Variants in AGAP6 observed in about 807,000 individuals in gnomAD.
AGAP6 encodes the protein arf-GAP with GTPase, ANK repeat and PH domain-containing protein 6.
A neutral mutation model predicts 63.9 loss-of-function variants in AGAP6; 29 were observed. That is an observed-to-expected ratio of 0.45 (90% CI 0.34 to 0.62). The LOEUF (loss-of-function observed/expected upper bound fraction) is 0.62, where lower values mean the gene tolerates loss of function less well. Among genes scored for constraint, AGAP6 ranks in the 20% least tolerant of loss-of-function variants. The pLI is 0.01. For missense variants in AGAP6, 493 were observed against 884.9 expected (o/e 0.56, Z 5.62); for synonymous variants, 199 against 332.9 (o/e 0.60, Z 4.38).
chr10:49,989,493 C>G, intron 2 of AGAP6, 117 bp downstream of exon 2: 1 of 1,498,122 alleles, frequency 6.7e-7, no homozygotes, highest in Non-Finnish European at 9.0e-7. Flanking sequence ...TTTTCAGTAC[C>G]CATCTTATTT....
chr10:49,996,502 A>G (rs1426367191), intron 4 of AGAP6, among the ~76,000 whole-genome samples: 10 of 151,742 alleles, frequency 6.6e-5, no homozygotes, highest in South Asian at 4.2e-4. Flanking sequence ...GGATCTCCCA[A>G]TTTTCTGCCT....
intron 3 of AGAP6, among the ~76,000 whole-genome samples, chr10:49,993,240 T>C (rs1482337374): frequency 2.6e-5 from 4 of 152,090 alleles, no homozygotes; most frequent in Admixed American, 2.6e-4. Context: ...CCAAAACATA[T>C]CAGAATTGTA....
intron 6 of AGAP6, among the ~76,000 whole-genome samples, chr10:50,006,413 G>T (rs1332431421): frequency 1.3e-5 from 2 of 152,094 alleles, no homozygotes; most frequent in Non-Finnish European, 2.9e-5. Flanking sequence ...AGTTGAACTG[G>T]TTTTTTAGAC....
chr10:50,009,356 T>G lies in AGAP6; in HGVS notation c.1231T>G (p.Phe411Val), dbSNP rs1290346891. 2.5e-6 allele frequency: 4 copies of G among 1,614,146 alleles called. No individual in the cohort carries two copies. Among genetic ancestry groups the G allele is most frequent in the Non-Finnish European group, 3.4e-6 (4 of 1,180,046 alleles). ...KHLKKKSTNN[F>V]MIVSATGQTW... ...CCTAAAGAAGAAAAGCACCAACAAC[T>G]TTATGATTGTGTCTGCCACTGGCCA... Residue 411 changes from phenylalanine to valine, a missense_variant, in exon 8 of 8, where the codon TTT becomes GTT. This residue lies in a region of AGAP6 where 342 missense variants were observed against 533.4 expected (regional missense o/e 0.64). Coordinates refer to ENST00000412531, the MANE Select transcript of AGAP6 (RefSeq NM_001077665.3).
At chr10:50,001,421 CT>C (rs1158013781) in intron 4 of AGAP6, among the ~76,000 whole-genome samples, 32 of 86,248 alleles carry the variant, frequency 3.7e-4, no homozygotes, top group African/African-American at 7.8e-4. Flanking sequence ...TTAAACTTTT[CT>C]TTTTTTTTTT....
chr10:50,009,630 G>A lies in AGAP6; in HGVS notation c.1505G>A (p.Cys502Tyr). ...LNLGVLMCIE[C>Y]SGIHRSLGPH... ...TTGGGAGTCCTCATGTGTATTGAAT[G>A]CTCAGGTATCCACCGCAGTCTTGGC... The change falls in exon 8 of 8, where the codon TGC becomes TAC. Residue 502 changes from cysteine to tyrosine, a missense_variant. Coordinates refer to ENST00000412531, the MANE Select transcript of AGAP6 (RefSeq NM_001077665.3). 1 of 1,613,534 alleles carries A rather than the reference G, an allele frequency of 6.2e-7. No individual in the cohort carries two copies. Among genetic ancestry groups the A allele is most frequent in the Non-Finnish European group, 8.5e-7 (1 of 1,179,578 alleles).
Position 50,008,904 on chromosome 10 carries a change from G to A in AGAP6, c.779G>A (p.Ser260Asn). The A allele has an allele frequency of 1.9e-6, 3 of 1,607,322 alleles. No homozygotes were observed. Among genetic ancestry groups the A allele is most frequent in the Admixed American group, 1.7e-5 (1 of 59,452 alleles). ...AACCTGTTTACATCTGAGAAAGGGA[G>A]TGACCCAGACAAAGAGAGGAAAGCC... is the stretch of plus-strand genomic sequence containing the variant. Reference protein sequence around the residue: ...WSNLFTSEKGSDPDKERKAPE... With the variant: ...WSNLFTSEKGNDPDKERKAPE... Residue 260 changes from serine (S) to asparagine (N), a missense_variant, in exon 8 of 8, where the codon AGT becomes AAT. Transcript: ENST00000412531.
intron 5 of AGAP6, among the ~76,000 whole-genome samples, chr10:50,003,918 C>T (rs1311619775): frequency 2.6e-5 from 4 of 152,214 alleles, no homozygotes; most frequent in Non-Finnish European, 5.9e-5. Context: ...GCACTATAGA[C>T]ATATCCATCT....
At chr10:49,989,400 C>G (rs1554860380) in intron 2 of AGAP6, 24 bp downstream of exon 2, 7 of 1,597,304 alleles carry the variant, frequency 4.4e-6, no homozygotes, top group African/African-American at 1.3e-5. Context: ...GTCTGTAGCT[C>G]TATTTATTAT....
rs782809913 is a variant in AGAP6, at chr10:49,989,292, C to G, written c.224-16C>G. On this transcript the variant is annotated splice_polypyrimidine_tract_variant and intron_variant, in intron 1 of 7. Coordinates refer to ENST00000412531, the MANE Select transcript of AGAP6 (RefSeq NM_001077665.3). ...AATGATTACATCCTTTTTCTTTTCT[C>G]CCTCTATACATATAGCTTTGGAGTT... 21 of 1,596,124 alleles carry G rather than the reference C, an allele frequency of 1.3e-5. No homozygotes were observed. Among genetic ancestry groups the G allele is most frequent in the Non-Finnish European group, 1.6e-5 (19 of 1,179,526 alleles).
chr10:49,999,349 T>C (rs1212828575), intron 4 of AGAP6, among the ~76,000 whole-genome samples: 1 of 132,974 alleles, frequency 7.5e-6, no homozygotes, highest in Non-Finnish European at 1.6e-5. Flanking sequence ...TAAACAGAAT[T>C]AAAAACAAAA....
At position 50,004,705 on chromosome 10, in the gene AGAP6, A is replaced by C. The variant is rs542450790; in HGVS notation, c.518A>C (p.His173Pro). The C allele has an allele frequency of 1.5e-6, 2 of 1,358,278 alleles. No homozygotes were observed. Among genetic ancestry groups the C allele is most frequent in the Non-Finnish European group, 2.0e-6 (2 of 1,002,872 alleles). The allele number at this position is 1,358,278 out of a possible 1,614,324, so 84.1% of individuals were successfully genotyped here. The change falls in exon 6 of 8, where the codon CAT becomes CCT. Residue 173 changes from histidine (H) to proline (P), a missense_variant. By Grantham distance (77) the His-to-Pro change is moderately conservative (BLOSUM62 -2). This residue lies in a region of AGAP6 where 342 missense variants were observed against 533.4 expected (regional missense o/e 0.64). Coordinates refer to ENST00000412531, the MANE Select transcript of AGAP6 (RefSeq NM_001077665.3). ...CACAGTGTGACCTTGGAGATACCTC[A>C]TCATATCACACAAAGGTGAGCTTTT... Reference protein sequence around the residue: ...TIISVTLEIPHHITQRDADRT... With the variant: ...TIISVTLEIPPHITQRDADRT...
intron 5 of AGAP6, among the ~76,000 whole-genome samples, chr10:50,003,990 T>C (rs1483085914): frequency 6.6e-6 from 1 of 152,224 alleles, no homozygotes; most frequent in African/African-American, 2.4e-5. Flanking sequence ...ATTAGTAGAA[T>C]TGAGATTTGC....
intron 2 of AGAP6, 67 bp downstream of exon 2, chr10:49,989,443 A>G: frequency 1.9e-6 from 3 of 1,592,114 alleles, no homozygotes; most frequent in Non-Finnish European, 1.7e-6. Flanking sequence ...TCTTTGAGCT[A>G]TTCTCTTCCT....
At chr10:49,991,384 G>GTTTTTT (rs781847792) in intron 2 of AGAP6, among the ~76,000 whole-genome samples, 6 of 114,050 alleles carry the variant, frequency 5.3e-5, no homozygotes, top group Admixed American at 9.9e-5. Flanking sequence ...TACCTCTTCT[G>GTTTTTT]TTTTTTTTTT....
chr10:49,991,786 G>C, intron 3 of AGAP6, 42 bp downstream of exon 3: 3 of 1,597,178 alleles, frequency 1.9e-6, no homozygotes, highest in Non-Finnish European at 2.5e-6. Flanking sequence ...AAGAATAAAA[G>C]CTCTTGTTTG....
chr10:50,005,131 A>G (rs1841866380), intron 6 of AGAP6, among the ~76,000 whole-genome samples: 1 of 152,250 alleles, frequency 6.6e-6, no homozygotes, highest in Admixed American at 6.5e-5. Flanking sequence ...GACCCAGGTT[A>G]TAACAACAGA....
At chr10:49,990,473 G>C (rs533408675) in intron 2 of AGAP6, among the ~76,000 whole-genome samples, 4 of 152,168 alleles carry the variant, frequency 2.6e-5, no homozygotes, top group Admixed American at 2.6e-4. Context: ...GAAAGTTGGA[G>C]TTTTTTAGTC....
intron 3 of AGAP6, among the ~76,000 whole-genome samples, chr10:49,993,880 T>A (rs1449046863): frequency 6.6e-6 from 1 of 152,062 alleles, no homozygotes; most frequent in African/African-American, 2.4e-5. Context: ...GACCGTTTTT[T>A]AATTTTGATT....
Sources: gnomAD v4.1 joint callset for allele counts (sites outside exome capture counted in the v4.1 genomes callset) on GRCh38, gnomAD v4.1.1 for gene constraint, gnomAD v4.1.1 regional missense constraint, MANE v1.5 for transcripts, NCBI Gene and HGNC (gene_info 2026-07-23, HGNC 2026-07-21) for gene names.